Variants in CYB5R4 observed in about 807,000 individuals in gnomAD.
CYB5R4 encodes N-terminal cytochrome b5 and cytochrome b5 oxidoreductase domain-containing protein.
In CYB5R4, 55 loss-of-function variants were observed where a neutral mutation model predicts 70.2. That is an observed-to-expected ratio of 0.78 (90% CI 0.63 to 0.98). CYB5R4 has a LOEUF of 0.98. CYB5R4 is among the 50% of genes least tolerant of loss of function. The pLI is 0.00. For synonymous variants in CYB5R4, 197 were observed against 199.5 expected (o/e 0.99, Z 0.11); for missense variants, 562 against 612.6 (o/e 0.92, Z 0.87).
At position 83,918,446 on chromosome 6, in the gene CYB5R4, A is replaced by T. The variant is rs183841989; in HGVS notation, c.506+381A>T. 2.3e-4 allele frequency among the ~76,000 whole-genome samples: 35 copies of T among 152,184 alleles called. No homozygotes were observed. The East Asian group carries it at 6.2e-3, about 27-fold the overall frequency. On this transcript the variant is annotated intron_variant, in intron 6 of 15. Transcript: ENST00000369681. ...ACTATTATTTATATTTTCCAGTTAG[A>T]TTAATATAATACCTACTTCCATATT... is the stretch of plus-strand genomic sequence containing the variant.
intron 2 of CYB5R4, among the ~76,000 whole-genome samples, chr6:83,875,118 G>A (rs1588560444): frequency 6.6e-6 from 1 of 152,142 alleles, no homozygotes; most frequent in African/African-American, 2.4e-5. Context: ...ACTGTGCCCG[G>A]CCGTCTTTAT....
At chr6:83,871,466 C>CT (rs2099457629) in intron 2 of CYB5R4, among the ~76,000 whole-genome samples, 1 of 151,996 alleles carries the variant, frequency 6.6e-6, no homozygotes, top group Admixed American at 6.6e-5. Flanking sequence ...CCTTCTCCTC[C>CT]TTTTTTTCAC....
In CYB5R4 at chr6:83,965,167, G is replaced by C. The variant is rs2099473868; in HGVS notation, c.*5289G>C. Reference sequence around the variant, plus strand: ...ACACCGCCTAGTGGAGCTGTGAGAAGAGGACCACTGTCCTCCAGACCCCAG... The same window carrying C: ...ACACCGCCTAGTGGAGCTGTGAGAACAGGACCACTGTCCTCCAGACCCCAG... On this transcript the variant is annotated 3_prime_UTR_variant, in exon 16 of 16. Transcript: ENST00000369681. 1 of 152,216 alleles carries C rather than the reference G, an allele frequency of 6.6e-6. No individual in the cohort carries two copies. Among genetic ancestry groups the C allele is most frequent in the Non-Finnish European group, 1.5e-5 (1 of 68,066 alleles). The allele number at this position is 152,216 out of a possible 1,614,324, so 9.4% of individuals were successfully genotyped here.
At chr6:83,898,899 G>T (rs1453183556) in intron 3 of CYB5R4, among the ~76,000 whole-genome samples, 4 of 152,194 alleles carry the variant, frequency 2.6e-5, no homozygotes, top group Admixed American at 1.3e-4. Flanking sequence ...ATACAATCAT[G>T]TCATCTGCAA....
chr6:83,927,238 C>A (rs1459847949), intron 10 of CYB5R4, among the ~76,000 whole-genome samples: 3 of 152,108 alleles, frequency 2.0e-5, no homozygotes, highest in East Asian at 1.9e-4. Flanking sequence ...TAGGAAAAAA[C>A]AAACTTTTTC....
chr6:83,940,708 AG>A (rs1253973246), intron 14 of CYB5R4, 107 bp downstream of exon 14: 5 of 1,288,164 alleles, frequency 3.9e-6, no homozygotes, highest in Non-Finnish European at 4.1e-6. Flanking sequence ...GCTCCTTCAA[AG>A]AAAAAAAATA....
At chr6:83,872,508 A>G in intron 2 of CYB5R4, among the ~76,000 whole-genome samples, 1 of 152,212 alleles carries the variant, frequency 6.6e-6, no homozygotes, top group Non-Finnish European at 1.5e-5. Flanking sequence ...GCAGAAGCAA[A>G]AAGTTACTAA....
chr6:83,875,418 G>A (rs2099458379), intron 2 of CYB5R4, among the ~76,000 whole-genome samples: 1 of 152,086 alleles, frequency 6.6e-6, no homozygotes. Flanking sequence ...CCACATTATG[G>A]TAGTGTTACA....
At chr6:83,921,028 A>C in intron 7 of CYB5R4, 54 bp from the exon 8 acceptor site, 2 of 1,316,922 alleles carry the variant, frequency 1.5e-6, no homozygotes, top group Non-Finnish European at 2.0e-6. Flanking sequence ...TAGTTGTAGA[A>C]GTTTGGGGGA....
At chr6:83,932,471 T>C (rs2099468303) in intron 10 of CYB5R4, among the ~76,000 whole-genome samples, 2 of 152,176 alleles carry the variant, frequency 1.3e-5, no homozygotes, top group South Asian at 2.1e-4. Context: ...GTTATCAAGA[T>C]GATATGCACT....
At chr6:83,891,555 T>G (rs2099461128) in intron 2 of CYB5R4, among the ~76,000 whole-genome samples, 1 of 152,196 alleles carries the variant, frequency 6.6e-6, no homozygotes, top group African/African-American at 2.4e-5. Context: ...GGGCTAGGTT[T>G]AAGTTTCATA....
chr6:83,921,303 C>G (rs1193195318), intron 8 of CYB5R4, 128 bp downstream of exon 8: 18 of 828,468 alleles, frequency 2.2e-5, no homozygotes, highest in Admixed American at 1.8e-4. Context: ...CATTTTTGAT[C>G]AGTTTTTTTC....
At chr6:83,873,182 ACT>A (rs1336076927) in intron 2 of CYB5R4, among the ~76,000 whole-genome samples, 1 of 150,290 alleles carries the variant, frequency 6.7e-6, no homozygotes, top group East Asian at 1.9e-4. Flanking sequence ...GTTACTTATA[ACT>A]CTTCTCGTGT....
rs2099474044 is a variant in CYB5R4, at chr6:83,966,234, T to C, written c.*6356T>C. 6.6e-6 allele frequency: 1 copy of C among 152,192 alleles called. No individual in the cohort carries two copies. Among genetic ancestry groups the C allele is most frequent in the African/African-American group, 2.4e-5 (1 of 41,446 alleles). The allele number at this position is 152,192 out of a possible 1,614,324, so 9.4% of individuals were successfully genotyped here. On this transcript the variant is annotated 3_prime_UTR_variant, in exon 16 of 16. Transcript: ENST00000369681. ...ATACTTATGAATATACCTAAAAATG[T>C]TGAATTGTACATTTTAAGTAGATGA...
Position 83,867,923 on chromosome 6 carries a change from G to A in CYB5R4, c.229+3595G>A, listed in dbSNP as rs539385168. 1.1e-3 allele frequency among the ~76,000 whole-genome samples: 173 copies of A among 152,286 alleles called. 3 individuals are homozygous for A. The highest frequency in any genetic ancestry group is 5.2e-4 in the Admixed American group (8 of 15,300). On this transcript the variant is annotated intron_variant, in intron 2 of 15. Transcript: ENST00000369681. ...GTAAAGCCATGTTGAAACTGTCTGCGATTCCTCAAGTGTTTTTCCAGCTAC... is the reference window on the plus strand; with the variant it reads ...GTAAAGCCATGTTGAAACTGTCTGCAATTCCTCAAGTGTTTTTCCAGCTAC...
At chr6:83,944,724 TAA>T (rs1480913346) in intron 14 of CYB5R4, among the ~76,000 whole-genome samples, 10 of 149,034 alleles carry the variant, frequency 6.7e-5, no homozygotes, top group African/African-American at 2.5e-4. Flanking sequence ...AGGCTCAAAA[TAA>T]AGAGATGGAG....
At chr6:83,916,451 C>T (rs2129139204) in intron 5 of CYB5R4, among the ~76,000 whole-genome samples, 1 of 152,246 alleles carries the variant, frequency 6.6e-6, no homozygotes, top group South Asian at 2.1e-4. Flanking sequence ...TTCAGTGCTT[C>T]TTAATTTAAT....
At chr6:83,955,821 C>T (rs2099472343) in intron 15 of CYB5R4, among the ~76,000 whole-genome samples, 1 of 152,098 alleles carries the variant, frequency 6.6e-6, no homozygotes, top group Non-Finnish European at 1.5e-5. Context: ...GAATGTTCAT[C>T]TCATTGTAGC....
chr6:83,869,468 C>T (rs539827808), intron 2 of CYB5R4, among the ~76,000 whole-genome samples: 1 of 152,298 alleles, frequency 6.6e-6, no homozygotes, highest in Admixed American at 6.5e-5. Context: ...GCCCAGCGTG[C>T]ACATTCCTAG....
Sources: gnomAD v4.1 joint callset for allele counts (sites outside exome capture counted in the v4.1 genomes callset) on GRCh38, gnomAD v4.1.1 for gene constraint, MANE v1.5 for transcripts, NCBI Gene and HGNC (gene_info 2026-07-23, HGNC 2026-07-21) for gene names.